SORCS1: variants seen among roughly 807,000 people sequenced by gnomAD.
SORCS1 encodes sortilin related VPS10 domain containing receptor 1.
Under a neutral mutation model 146.1 loss-of-function variants are expected in SORCS1, and 60 were observed. The ratio of observed to expected loss-of-function variants is 0.41; its 90% CI spans 0.33 to 0.51. The LOEUF is 0.51. SORCS1 is among the 20% of genes least tolerant of loss of function. SORCS1 has a pLI of 0.21. For missense variants in SORCS1, 1,352 were observed against 1,487.6 expected, an observed-to-expected ratio of 0.91 and a Z score of 1.50; for synonymous variants, 637 against 584.0, an observed-to-expected ratio of 1.09 and a Z score of -1.31.
chr10:106,802,198 G>A (rs1203494383), intron 3 of SORCS1, among the ~76,000 whole-genome samples: 1 of 152,222 alleles, frequency 6.6e-6, no homozygotes, highest in African/African-American at 2.4e-5. Flanking sequence ...TACAGAATCA[G>A]AAGAAATGTT....
In SORCS1 at chr10:106,620,545, C is replaced by G. The variant is rs538935422; in HGVS notation, c.2679G>C (p.Val893=). ...YLHVTCPLEH[V]HLSLPFVTTK... is the part of the protein sequence containing the mutation. ...TGGTGACAAAGGGAAGAGACAGGTG[C>G]ACGTGCTCCAAGGGACCTGAGGCAC... The change falls in exon 20 of 26, where the codon GTG becomes GTC. Residue 893 remains valine, a synonymous_variant. Transcript: ENST00000263054. 2 of 1,613,938 alleles carry G rather than the reference C, an allele frequency of 1.2e-6. No homozygotes were observed. The highest frequency in any genetic ancestry group is 4.5e-5 in the East Asian group (2 of 44,862).
At chr10:106,956,349 G>A (rs1236120310) in intron 2 of SORCS1, among the ~76,000 whole-genome samples, 164 bp downstream of exon 2, 1 of 152,166 alleles carries the variant, frequency 6.6e-6, no homozygotes, top group African/African-American at 2.4e-5. Context: ...GGCCTGCCTG[G>A]AGATAAAGCC....
chr10:107,159,057 A>G (rs1969514902), intron 1 of SORCS1, among the ~76,000 whole-genome samples: 1 of 152,178 alleles, frequency 6.6e-6, no homozygotes, highest in Non-Finnish European at 1.5e-5. Flanking sequence ...TAACATGAAG[A>G]TGTAATACAA....
chr10:106,919,717 T>C (rs538667116), intron 2 of SORCS1, among the ~76,000 whole-genome samples: 1 of 152,020 alleles, frequency 6.6e-6, no homozygotes, highest in African/African-American at 2.4e-5. Context: ...AGCAAAAAAA[T>C]AAAAATGTAT....
chr10:106,687,423 C>A (rs1032267986), intron 10 of SORCS1, among the ~76,000 whole-genome samples: 7 of 152,108 alleles, frequency 4.6e-5, no homozygotes, highest in African/African-American at 9.7e-5. Flanking sequence ...TTGTAAAGGG[C>A]CAGATAATAA....
Position 106,706,728 on chromosome 10 carries a change from A to C in SORCS1, c.1144-94T>G. 2.6e-6 allele frequency: 3 copies of C among 1,145,646 alleles called. No homozygotes were observed. In the East Asian group the frequency reaches 7.1e-5, roughly 27 times the overall value. 71.0% of individuals were successfully genotyped at this position (1,145,646 alleles called of 1,614,324 possible). A position where few individuals can be genotyped will look rare whatever the true frequency, so the allele number is the denominator to read the frequency against. On this transcript the variant is annotated intron_variant, in intron 7 of 25. Transcript: ENST00000263054. Reference sequence around the variant, plus strand: ...CCTGAATGGAAGGAGGAAGCTTCCAACACAACAAATGGCATTAATGTCTAT... The same window carrying C: ...CCTGAATGGAAGGAGGAAGCTTCCACCACAACAAATGGCATTAATGTCTAT...
chr10:107,148,781 CT>C (rs1461235879), intron 1 of SORCS1, among the ~76,000 whole-genome samples: 1 of 152,154 alleles, frequency 6.6e-6, no homozygotes, highest in African/African-American at 2.4e-5. Flanking sequence ...ATCAAGGAGA[CT>C]TTCATAGAGG....
chr10:106,670,695 C>CTTT (rs1306157698), intron 16 of SORCS1, among the ~76,000 whole-genome samples: 1 of 146,192 alleles, frequency 6.8e-6, no homozygotes, highest in African/African-American at 2.6e-5. Flanking sequence ...AGAATCTGCC[C>CTTT]ATTTTTTTTT....
At chr10:106,959,137 A>G (rs898344950) in intron 1 of SORCS1, among the ~76,000 whole-genome samples, 1 of 152,186 alleles carries the variant, frequency 6.6e-6, no homozygotes, top group South Asian at 2.1e-4. Context: ...AAGCACACAG[A>G]AATTGTTTAA....
At chr10:107,168,126 AT>A (rs1365524300), upstream of SORCS1, among the ~76,000 whole-genome samples, 1 of 152,172 alleles carries the variant, frequency 6.6e-6, no homozygotes, top group Non-Finnish European at 1.5e-5. Flanking sequence ...TACGCCAACC[AT>A]TAGGGGCTAT....
chr10:107,004,820 G>T (rs1386961857), intron 1 of SORCS1, among the ~76,000 whole-genome samples: 1 of 152,026 alleles, frequency 6.6e-6, no homozygotes, highest in African/African-American at 2.4e-5. Flanking sequence ...ATTTTTAAAG[G>T]ACAAAATTAT....
At chr10:106,885,962 C>A (rs1950984787) in intron 2 of SORCS1, among the ~76,000 whole-genome samples, 1 of 152,100 alleles carries the variant, frequency 6.6e-6, no homozygotes, top group African/African-American at 2.4e-5. Flanking sequence ...AACTGTGAGT[C>A]CATTAAACCT....
chr10:107,024,210 T>C (rs1958290438), intron 1 of SORCS1, among the ~76,000 whole-genome samples: 1 of 151,510 alleles, frequency 6.6e-6, no homozygotes, highest in Admixed American at 6.6e-5. Flanking sequence ...GAGAGGTTTA[T>C]TTGGCCCCTG....
At chr10:106,640,346 T>C (rs1027922462) in intron 18 of SORCS1, among the ~76,000 whole-genome samples, 1 of 152,210 alleles carries the variant, frequency 6.6e-6, no homozygotes, top group Non-Finnish European at 1.5e-5. Context: ...GTTTTGGAGT[T>C]AAATCTCACA....
At chr10:106,973,657 C>T (rs942482650) in intron 1 of SORCS1, among the ~76,000 whole-genome samples, 2 of 152,210 alleles carry the variant, frequency 1.3e-5, no homozygotes, top group Non-Finnish European at 2.9e-5. Context: ...TGAACCTCTC[C>T]TTTAGGTTTC....
chr10:107,063,574 G>C (rs1425991147), intron 1 of SORCS1, among the ~76,000 whole-genome samples: 1 of 152,278 alleles, frequency 6.6e-6, no homozygotes, highest in African/African-American at 2.4e-5. Context: ...ATATCCTTTT[G>C]ATAATTTGAA....
In SORCS1 at chr10:107,140,645, A is replaced by G. The variant is rs1590223661; in HGVS notation, c.558+23324T>C. ...TGTGATAAAATAGCTAATATTATGT[A>G]TATATATTCTTGTATATACCTATAC... is the stretch of plus-strand genomic sequence containing the variant. On this transcript the variant is annotated intron_variant, in intron 1 of 25. Transcript: ENST00000263054. Among the ~76,000 whole-genome samples the G allele has an allele frequency of 2.0e-5, 3 of 152,336 alleles. No homozygotes were observed. In the South Asian group the frequency reaches 6.2e-4, roughly 32 times the overall value.
intron 4 of SORCS1, among the ~76,000 whole-genome samples, chr10:106,772,432 A>C (rs1405300562): frequency 6.6e-6 from 1 of 151,574 alleles, no homozygotes; most frequent in African/African-American, 2.4e-5. Context: ...CAATTACATG[A>C]GTAAATTCCC....
chr10:107,090,411 A>G (rs1964102186), intron 1 of SORCS1, among the ~76,000 whole-genome samples: 1 of 152,200 alleles, frequency 6.6e-6, no homozygotes, highest in South Asian at 2.1e-4. Context: ...GAAAGAGAGC[A>G]CAGAGGAGTT....
Sources: allele counts gnomAD v4.1 joint callset (sites outside exome capture counted in the v4.1 genomes callset), GRCh38; gene constraint gnomAD v4.1.1; transcripts MANE v1.5; gene names NCBI Gene and HGNC (gene_info 2026-07-23, HGNC 2026-07-21).